The following NRG3 variants were observed in gnomAD, a reference collection of about 807,000 sequenced individuals.
The protein encoded by NRG3 is pro-neuregulin-3, membrane-bound isoform.
A neutral mutation model predicts 66.9 loss-of-function variants in NRG3; 31 were observed. That is an observed-to-expected ratio of 0.46 (90% CI 0.35 to 0.63). The LOEUF is 0.63. Among genes scored for constraint, NRG3 ranks in the 20% least tolerant of loss-of-function variants. NRG3 has a pLI of 0.00. For missense variants in NRG3, 910 were observed against 878.9 expected, an observed-to-expected ratio of 1.04 and a Z score of -0.45; for synonymous variants, 393 against 359.4, an observed-to-expected ratio of 1.09 and a Z score of -1.06.
chr10:82,447,478 C>T (rs776310816), intron 2 of NRG3, among the ~76,000 whole-genome samples: 33 of 152,132 alleles, frequency 2.2e-4, no homozygotes, highest in Non-Finnish European at 4.3e-4. Context: ...ATGAATTAAT[C>T]AGTGCATATA....
At chr10:82,750,095 T>C (rs2134922615) in intron 3 of NRG3, among the ~76,000 whole-genome samples, 1 of 152,326 alleles carries the variant, frequency 6.6e-6, no homozygotes, top group Non-Finnish European at 1.5e-5. Context: ...ATCTATTTAT[T>C]TACATTCTAT....
chr10:82,260,610 G>A (rs1021659601), intron 1 of NRG3, among the ~76,000 whole-genome samples: 1 of 152,146 alleles, frequency 6.6e-6, no homozygotes, highest in African/African-American at 2.4e-5. Context: ...GTTTGAGATC[G>A]CTAGAGAAGC....
At chr10:82,917,990 ATATGTATG>A (rs151168005) in intron 4 of NRG3, among the ~76,000 whole-genome samples, 16,753 of 137,370 alleles carry the variant, frequency 0.12, 1,568 homozygotes, top group East Asian at 0.34. Context: ...ATATATATAT[ATATGTATG>A]TATGTATCTC....
At chr10:82,146,515 T>C (rs577520652) in intron 1 of NRG3, among the ~76,000 whole-genome samples, 1 of 152,282 alleles carries the variant, frequency 6.6e-6, no homozygotes, top group African/African-American at 2.4e-5. Context: ...TAACAAACCG[T>C]AAAGGCATGT....
chr10:82,732,633 C>G (rs948657680), intron 2 of NRG3, among the ~76,000 whole-genome samples: 2 of 152,192 alleles, frequency 1.3e-5, no homozygotes, highest in Non-Finnish European at 2.9e-5. Flanking sequence ...ATAATAAAAA[C>G]TAACATTTCT....
At chr10:82,307,299 C>T (rs2080795207) in intron 1 of NRG3, among the ~76,000 whole-genome samples, 2 of 152,006 alleles carry the variant, frequency 1.3e-5, no homozygotes, top group South Asian at 4.1e-4. Context: ...GTGTAATTAT[C>T]TGTGAGAGAT....
At chr10:82,224,747 A>G (rs1394011120) in intron 1 of NRG3, among the ~76,000 whole-genome samples, 2 of 152,184 alleles carry the variant, frequency 1.3e-5, no homozygotes, top group African/African-American at 4.8e-5. Flanking sequence ...TCAAATCTAT[A>G]TAATTATCTC....
chr10:82,327,285 G>A (rs556144734), intron 1 of NRG3, among the ~76,000 whole-genome samples: 22 of 152,280 alleles, frequency 1.4e-4, no homozygotes, highest in South Asian at 1.2e-3. Flanking sequence ...AGGACCAGGT[G>A]GATGCTGTCA....
chr10:82,652,783 A>G (rs947426859), intron 2 of NRG3, among the ~76,000 whole-genome samples: 3 of 152,180 alleles, frequency 2.0e-5, no homozygotes, highest in Non-Finnish European at 2.9e-5. Context: ...TCCTGTCCCC[A>G]TCAATGTCAT....
In NRG3 at chr10:82,148,390, A is replaced by G. The variant is rs147870309; in HGVS notation, c.824-210349A>G. Among the ~76,000 whole-genome samples, 137 of 152,212 alleles carry G rather than the reference A, an allele frequency of 9.0e-4. 1 individual carries two copies. Among genetic ancestry groups the G allele is most frequent in the African/African-American group, 3.2e-3 (132 of 41,550 alleles). Reference sequence around the variant, plus strand: ...CTCATATTTTAGTTCTTTCTAACCCATGGTTGATACTCTCAACCACAGAGT... The same window carrying G: ...CTCATATTTTAGTTCTTTCTAACCCGTGGTTGATACTCTCAACCACAGAGT... On this transcript the variant is annotated intron_variant, in intron 1 of 8. Coordinates refer to ENST00000372141, the MANE Select transcript of NRG3 (RefSeq NM_001010848.4).
intron 8 of NRG3, among the ~76,000 whole-genome samples, chr10:82,980,057 T>G (rs960523771): frequency 6.6e-6 from 1 of 151,682 alleles, no homozygotes; most frequent in African/African-American, 2.4e-5. Flanking sequence ...TACAAAAAAT[T>G]AGCTGGGCAT....
intron 2 of NRG3, among the ~76,000 whole-genome samples, chr10:82,555,897 T>C (rs1272705629): frequency 6.6e-6 from 1 of 152,188 alleles, no homozygotes; most frequent in South Asian, 2.1e-4. Context: ...CTACCTGTTG[T>C]TTTTCCTATA....
At chr10:82,754,329 C>T (rs985024400) in intron 3 of NRG3, among the ~76,000 whole-genome samples, 1 of 151,312 alleles carries the variant, frequency 6.6e-6, no homozygotes, top group Non-Finnish European at 1.5e-5. Context: ...AAAAGGAGAG[C>T]ATACCCTTCG....
At chr10:82,609,669 A>G (rs553240812) in intron 2 of NRG3, among the ~76,000 whole-genome samples, 1 of 152,148 alleles carries the variant, frequency 6.6e-6, no homozygotes, top group Admixed American at 6.5e-5. Flanking sequence ...CAATCTGGTA[A>G]TAGAATTTTC....
chr10:82,624,662 C>T (rs1007528561), intron 2 of NRG3, among the ~76,000 whole-genome samples: 3 of 149,862 alleles, frequency 2.0e-5, no homozygotes, highest in Non-Finnish European at 4.4e-5. Context: ...TCTATATTTG[C>T]TATGGTTTCT....
At chr10:82,612,435 A>T (rs946388446) in intron 2 of NRG3, among the ~76,000 whole-genome samples, 6 of 152,122 alleles carry the variant, frequency 3.9e-5, no homozygotes, top group African/African-American at 1.4e-4. Flanking sequence ...TAAATTTAAA[A>T]TAAATTTGCT....
intron 1 of NRG3, among the ~76,000 whole-genome samples, chr10:81,955,370 G>C (rs532036696): frequency 4.6e-5 from 7 of 152,118 alleles, no homozygotes; most frequent in Admixed American, 4.6e-4. Context: ...CATCAGACAG[G>C]AGGAGCTGAT....
intron 2 of NRG3, among the ~76,000 whole-genome samples, chr10:82,624,704 C>T (rs1331205124): frequency 2.7e-5 from 4 of 147,128 alleles, no homozygotes; most frequent in Non-Finnish European, 6.0e-5. Flanking sequence ...CATATGCATA[C>T]ATATATATAT....
At chr10:82,313,965 A>G (rs925712924) in intron 1 of NRG3, among the ~76,000 whole-genome samples, 1 of 152,204 alleles carries the variant, frequency 6.6e-6, no homozygotes, top group Non-Finnish European at 1.5e-5. Context: ...ATTAAAAAAG[A>G]AGTGAATTAA....
Sources: gnomAD v4.1 joint callset for allele counts (sites outside exome capture counted in the v4.1 genomes callset) on GRCh38, gnomAD v4.1.1 for gene constraint, MANE v1.5 for transcripts, NCBI Gene and HGNC (gene_info 2026-07-23, HGNC 2026-07-21) for gene names.